FSTL4: variants seen among roughly 807,000 people sequenced by gnomAD.
FSTL4 encodes the protein follistatin-related protein 4.
Under a neutral mutation model 78.2 loss-of-function variants are expected in FSTL4, and 28 were observed. The ratio of observed to expected loss-of-function variants is 0.36; its 90% confidence interval spans 0.27 to 0.49. The LOEUF is 0.49. Ranked by LOEUF, FSTL4 falls within the 20% of genes least tolerant of loss-of-function variation. The pLI is 0.98. For synonymous variants in FSTL4, 422 were observed against 440.5 expected (o/e 0.96, Z 0.53); for missense variants, 922 against 1,084.9 (o/e 0.85, Z 2.11).
the FSTL4 span, among the ~76,000 whole-genome samples, chr5:133,632,634 T>A: frequency 1.3e-5 from 2 of 152,178 alleles, no homozygotes; most frequent in Non-Finnish European, 2.9e-5. Flanking sequence ...TTGAAAAACG[T>A]TGTGCCACTT....
At chr5:133,228,114 C>T (rs1751388626) in intron 8 of FSTL4, among the ~76,000 whole-genome samples, 1 of 152,164 alleles carries the variant, frequency 6.6e-6, no homozygotes, top group African/African-American at 2.4e-5. Flanking sequence ...CTGGTCCCAG[C>T]TACTCAGTAG....
At chr5:133,793,738 C>T in the FSTL4 span, among the ~76,000 whole-genome samples, 1 of 152,232 alleles carries the variant, frequency 6.6e-6, no homozygotes, top group Non-Finnish European at 1.5e-5. Context: ...GGGTCAGCAC[C>T]ACCTCCTCCC....
At chr5:133,787,201 T>C in the FSTL4 span, among the ~76,000 whole-genome samples, 9 of 152,086 alleles carry the variant, frequency 5.9e-5, no homozygotes, top group Non-Finnish European at 1.0e-4. Context: ...ATTTGGGATA[T>C]ACTTATACTA....
the FSTL4 span, among the ~76,000 whole-genome samples, chr5:133,818,539 G>A: frequency 1.3e-5 from 2 of 152,054 alleles, no homozygotes. Context: ...CTGTGTAAGT[G>A]TTTCATTGTA....
chr5:133,598,385 A>T (rs1760784943), intron 2 of FSTL4, among the ~76,000 whole-genome samples: 1 of 151,974 alleles, frequency 6.6e-6, no homozygotes, highest in Admixed American at 6.6e-5. Context: ...TCACAAGCAC[A>T]TTGCATCTCA....
intron 3 of FSTL4, among the ~76,000 whole-genome samples, chr5:133,516,961 C>A (rs888784090): frequency 1.3e-5 from 2 of 151,982 alleles, no homozygotes; most frequent in Admixed American, 1.3e-4. Context: ...TCCTATAATC[C>A]CAGCACTTTG....
At chr5:133,239,066 G>A (rs967102731) in intron 7 of FSTL4, among the ~76,000 whole-genome samples, 57 of 152,318 alleles carry the variant, frequency 3.7e-4, no homozygotes, top group African/African-American at 1.3e-3. Flanking sequence ...TGGGCTCGGC[G>A]GGCCCCGCAC....
intron 13 of FSTL4, among the ~76,000 whole-genome samples, chr5:133,213,836 C>T (rs1227502562): frequency 1.3e-5 from 2 of 152,008 alleles, no homozygotes; most frequent in Non-Finnish European, 2.9e-5. Context: ...GATAAAAACC[C>T]AACTACACGT....
At chr5:133,227,727 T>C (rs2126797269) in intron 8 of FSTL4, among the ~76,000 whole-genome samples, 1 of 152,104 alleles carries the variant, frequency 6.6e-6, no homozygotes, top group South Asian at 2.1e-4. Context: ...GAAGCATAAA[T>C]GAATGAATCA....
At chr5:133,506,185 AG>A (rs1758608446) in intron 3 of FSTL4, among the ~76,000 whole-genome samples, 2 of 152,350 alleles carry the variant, frequency 1.3e-5, no homozygotes, top group South Asian at 4.1e-4. Flanking sequence ...TTGATTGTCC[AG>A]GGATTTGTGA....
chr5:133,567,136 C>A, intron 3 of FSTL4, 50 bp downstream of exon 3: 1 of 1,359,574 alleles, frequency 7.4e-7, no homozygotes, highest in Non-Finnish European at 1.1e-6. Flanking sequence ...CAAACTACTT[C>A]AAAAATGTCA....
intron 3 of FSTL4, among the ~76,000 whole-genome samples, chr5:133,421,071 CCT>C (rs1756682471): frequency 6.6e-6 from 1 of 152,192 alleles, no homozygotes; most frequent in Non-Finnish European, 1.5e-5. Context: ...TGAACAGTGA[CCT>C]GGTCACATTG....
chr5:133,221,904 T>TGTTTG (rs796432581), intron 11 of FSTL4, among the ~76,000 whole-genome samples: 2 of 106,178 alleles, frequency 1.9e-5, no homozygotes, highest in Non-Finnish European at 3.6e-5. Context: ...TTTTTTTTTT[T>TGTTTG]TTTTTTTTTT....
chr5:133,467,102 G>GTA (rs1561728418), intron 3 of FSTL4, among the ~76,000 whole-genome samples: 3 of 151,892 alleles, frequency 2.0e-5, no homozygotes, highest in South Asian at 2.1e-4. Context: ...GAGTGTGTGT[G>GTA]TATATATGTC....
At chr5:133,707,212 G>C in the FSTL4 span, among the ~76,000 whole-genome samples, 1 of 152,226 alleles carries the variant, frequency 6.6e-6, no homozygotes, top group South Asian at 2.1e-4. Flanking sequence ...TTATATGATA[G>C]GTATGATTTC....
chr5:133,527,412 C>A (rs1455709443), intron 3 of FSTL4, among the ~76,000 whole-genome samples: 1 of 152,034 alleles, frequency 6.6e-6, no homozygotes, highest in Non-Finnish European at 1.5e-5. Context: ...GCAGGGCTAG[C>A]CAGTGTCTGT....
rs556008314 is a variant in FSTL4, at chr5:133,315,645, G to A, written c.603+814C>T. Among the ~76,000 whole-genome samples the A allele has an allele frequency of 5.9e-5, 9 of 152,300 alleles. No individual in the cohort carries two copies. The East Asian group carries it at 1.7e-3, about 29-fold the overall frequency. On this transcript the variant is annotated intron_variant, in intron 5 of 15. Coordinates refer to ENST00000265342, the MANE Select transcript of FSTL4 (RefSeq NM_015082.2). ...ACCGCCCCCCACCACCCAACTCAGG[G>A]AGGCTGATCTCACTCTCCTTGCAGA...
intron 6 of FSTL4, among the ~76,000 whole-genome samples, chr5:133,303,464 T>C (rs1232592095): frequency 6.6e-6 from 1 of 152,232 alleles, no homozygotes; most frequent in African/African-American, 2.4e-5. Context: ...CCCCAGGGTC[T>C]GGCTCTCCAG....
rs33932730 is a variant in FSTL4 at position 133,204,834 on chromosome 5, CAA to C, written c.1717-2794_1717-2793del. ...CTGGGTGCAGAGTGAGATTCTGTCT[CAA>C]AAAAAAAAAAAAAAAATCTTTCAGG... is the stretch of plus-strand genomic sequence containing the variant. On this transcript the variant is annotated intron_variant, in intron 14 of 15. Transcript: ENST00000265342. Among the ~76,000 whole-genome samples the C allele has an allele frequency of 1.8e-4, 23 of 129,042 alleles. No individual in the cohort carries two copies. The East Asian group carries it at 2.0e-3, about 11-fold the overall frequency. The allele number at this position is 129,042 out of a possible 152,430, so 84.7% of individuals were successfully genotyped here.
Sources: gnomAD v4.1 joint callset for allele counts (sites outside exome capture counted in the v4.1 genomes callset) on GRCh38, gnomAD v4.1.1 for gene constraint, MANE v1.5 for transcripts, NCBI Gene and HGNC (gene_info 2026-07-23, HGNC 2026-07-21) for gene names.